The following RNH1 variants were observed in gnomAD, a reference collection of about 807,000 sequenced individuals.
RNH1 encodes ribonuclease inhibitor.
In RNH1, 38 loss-of-function variants were observed where a neutral mutation model predicts 46.1. The ratio of observed to expected loss-of-function variants is 0.82; its 90% CI spans 0.64 to 1.08. The LOEUF (loss-of-function observed/expected upper bound fraction) is 1.08, where lower values mean the gene tolerates loss of function less well. RNH1 is among the 50% of genes least tolerant of loss of function. The probability of loss-of-function intolerance (pLI) is 0.00; values close to 1 mark genes in which losing one functional copy is unlikely to be tolerated. For synonymous variants in RNH1, 319 were observed against 279.1 expected (o/e 1.14, Z -1.43); for missense variants, 577 against 590.7 (o/e 0.98, Z 0.24).
intron 9 of RNH1, among the ~76,000 whole-genome samples, chr11:497,650 C>CACTG (rs74949052): frequency 6.8e-6 from 1 of 148,046 alleles, no homozygotes; most frequent in Non-Finnish European, 1.5e-5. Context: ...CACTCGTGCT[C>CACTG]TCACCCATGT....
chr11:496,741 A>G (rs901301332), intron 9 of RNH1, among the ~76,000 whole-genome samples: 2 of 152,244 alleles, frequency 1.3e-5, no homozygotes, highest in African/African-American at 4.8e-5. Flanking sequence ...CAAGGACAGA[A>G]CAGGGGCACA....
At position 500,985 on chromosome 11, in the gene RNH1, G is replaced by A. The variant is rs571097691; in HGVS notation, c.102-331C>T. On this transcript the variant is annotated intron_variant, in intron 3 of 10. Coordinates refer to ENST00000354420, the MANE Select transcript of RNH1 (RefSeq NM_203387.3). ...CTTTACTAAAAATACAAAAGTAGCC[G>A]GGCGTGGTGGCGCATGCCCATAATC... is the stretch of plus-strand genomic sequence containing the variant. 6.8e-5 allele frequency: 27 copies of A among 395,714 alleles called. No individual in the cohort carries two copies. The East Asian group carries it at 1.1e-3, about 16-fold the overall frequency. The allele number at this position is 395,714 out of a possible 1,614,324, so 24.5% of individuals were successfully genotyped here.
In RNH1 at chr11:507,175, C is replaced by T. The variant is rs1047569798; in HGVS notation, c.-323G>A. ...CCAGAGCGAGACGGCCTACTTCGTTCTCGAGCCAGCAGAACGGGTTGAACG... is the reference window on the plus strand; with the variant it reads ...CCAGAGCGAGACGGCCTACTTCGTTTTCGAGCCAGCAGAACGGGTTGAACG... On this transcript the variant is annotated 5_prime_UTR_variant, in exon 1 of 11. Coordinates refer to ENST00000354420, the MANE Select transcript of RNH1 (RefSeq NM_203387.3). The T allele has an allele frequency of 1.3e-5, 2 of 152,240 alleles. No individual in the cohort carries two copies. Among genetic ancestry groups the T allele is most frequent in the Non-Finnish European group, 2.9e-5 (2 of 68,068 alleles). The allele number at this position is 152,240 out of a possible 1,614,324, so 9.4% of individuals were successfully genotyped here.
At chr11:500,044 G>T (rs1849599662) in intron 4 of RNH1, 45 bp from the exon 5 acceptor site, 1 of 1,491,732 alleles carries the variant, frequency 6.7e-7, no homozygotes, top group Non-Finnish European at 8.9e-7. Context: ...GAGCCAAGCT[G>T]CCACGCCCTT....
intron 9 of RNH1, among the ~76,000 whole-genome samples, chr11:496,354 T>C (rs1200945850): frequency 6.6e-6 from 1 of 151,906 alleles, no homozygotes; most frequent in Non-Finnish European, 1.5e-5. Flanking sequence ...CCCAACATGG[T>C]GAAACCCCAT....
intron 6 of RNH1, 25 bp from the exon 7 acceptor site, chr11:498,958 G>A (rs1205595456): frequency 1.2e-6 from 2 of 1,611,592 alleles, no homozygotes; most frequent in Non-Finnish European, 1.7e-6. Context: ...CACACGTGAG[G>A]CAGCACGGGA....
chr11:495,746 G>A (rs1848996922), intron 9 of RNH1, among the ~76,000 whole-genome samples: 1 of 152,112 alleles, frequency 6.6e-6, no homozygotes, highest in African/African-American at 2.4e-5. Context: ...GGTGTCCCCT[G>A]GCAGGGAACT....
intron 9 of RNH1, 120 bp downstream of exon 9, chr11:497,826 CGTGCTCACACTCGCCTCACCCATGT>C (rs1230036219): frequency 4.2e-6 from 4 of 946,474 alleles, no homozygotes; most frequent in African/African-American, 1.6e-5. Context: ...TGCTCACACA[CGTGCTCACACTCGCCTCACCCATGT>C]GTGCTCACAT....
intron 5 of RNH1, chr11:499,623 G>A (rs1849546896): frequency 4.1e-6 from 3 of 740,100 alleles, no homozygotes; most frequent in Non-Finnish European, 7.1e-6. Flanking sequence ...GGAGGGTGAT[G>A]ACAGATCCCC....
At chr11:497,385 TCGGACAC>T (rs1849228278) in intron 9 of RNH1, among the ~76,000 whole-genome samples, 1 of 74,386 alleles carries the variant, frequency 1.3e-5, no homozygotes, top group Admixed American at 1.7e-4. Flanking sequence ...GTGCTCACAC[TCGGACAC>T]TCGTGCTCTC....
At chr11:499,716 C>T (rs1020499995) in intron 5 of RNH1, 113 bp downstream of exon 5, 7 of 1,313,244 alleles carry the variant, frequency 5.3e-6, no homozygotes, top group Non-Finnish European at 7.6e-6. Context: ...CCACAAGGCC[C>T]CTGTGACCTG....
At chr11:496,772 T>C (rs532819697) in intron 9 of RNH1, among the ~76,000 whole-genome samples, 14 of 152,244 alleles carry the variant, frequency 9.2e-5, no homozygotes, top group Non-Finnish European at 1.8e-4. Context: ...AATTACCTCC[T>C]GCAAAACCTT....
Position 494,580 on chromosome 11 carries a change from A to T in RNH1, c.*111T>A. On this transcript the variant is annotated 3_prime_UTR_variant, in exon 11 of 11. Coordinates refer to ENST00000354420, the MANE Select transcript of RNH1 (RefSeq NM_203387.3). ...ATACTGGCAGAAATAAGCGGATCTGAGCGTTTCTCTTCAAACCTAGGATAT... is the reference window on the plus strand; with the variant it reads ...ATACTGGCAGAAATAAGCGGATCTGTGCGTTTCTCTTCAAACCTAGGATAT... 1 of 897,798 alleles carries T rather than the reference A, an allele frequency of 1.1e-6. No homozygotes were observed. Among genetic ancestry groups the T allele is most frequent in the Non-Finnish European group, 1.8e-6 (1 of 555,724 alleles). 55.6% of individuals were successfully genotyped at this position (897,798 alleles called of 1,614,324 possible).
At position 504,854 on chromosome 11, in the gene RNH1, A is replaced by G. The variant is rs959458964; in HGVS notation, c.-118T>C. ...ACACCCCTTTTTGCTACCAGACTGG[A>G]GAAGGTGGAACAGGTTGACGATGAT... is the stretch of plus-strand genomic sequence containing the variant. On this transcript the variant is annotated 5_prime_UTR_variant, in exon 2 of 11. Coordinates refer to ENST00000354420, the MANE Select transcript of RNH1 (RefSeq NM_203387.3). 1 of 152,186 alleles carries G rather than the reference A, an allele frequency of 6.6e-6. No homozygotes were observed. Among genetic ancestry groups the G allele is most frequent in the African/African-American group, 2.4e-5 (1 of 41,438 alleles). The allele number at this position is 152,186 out of a possible 1,614,324, so 9.4% of individuals were successfully genotyped here.
chr11:495,478 G>C (rs1327990280), intron 9 of RNH1, among the ~76,000 whole-genome samples: 1 of 152,166 alleles, frequency 6.6e-6, no homozygotes, highest in Admixed American at 6.5e-5. Context: ...CAGACTTTAG[G>C]CTCCAGAGAG....
At position 499,665 on chromosome 11, in the gene RNH1, C is replaced by T. The variant is rs185702780; in HGVS notation, c.443+164G>A. ...CCAGCATCATGGGGAGAGGAGAGCA[C>T]CACAAGGCCCCAGACCCAGCATCAT... On this transcript the variant is annotated intron_variant, in intron 5 of 10. Coordinates refer to ENST00000354420, the MANE Select transcript of RNH1 (RefSeq NM_203387.3). The T allele has an allele frequency of 1.8e-5, 15 of 833,716 alleles. No individual in the cohort carries two copies. The East Asian group carries it at 3.9e-4, about 22-fold the overall frequency. 51.6% of individuals were successfully genotyped at this position (833,716 alleles called of 1,614,324 possible).
At position 500,581 on chromosome 11, in the gene RNH1, C is replaced by T. The variant is rs1171491985; in HGVS notation, c.175G>A (p.Ala59Thr). ...SSALRVNPAL[A>T]ELNLRSNELG... ...TCGTTGCTGCGCAGGTTGAGCTCTG[C>T]CAGTGCAGGGTTGACTCGAAGTGCA... The change falls in exon 4 of 11, where the codon GCA becomes ACA. Residue 59 changes from alanine to threonine, a missense_variant. Ala to Thr is a moderately conservative substitution (Grantham distance 58). Coordinates refer to ENST00000354420, the MANE Select transcript of RNH1 (RefSeq NM_203387.3). 1 of 1,610,728 alleles carries T rather than the reference C, an allele frequency of 6.2e-7. No individual in the cohort carries two copies. The highest frequency in any genetic ancestry group is 8.5e-7 in the Non-Finnish European group (1 of 1,179,992).
At position 507,203 on chromosome 11, in the gene RNH1, T is replaced by C. The variant is rs967901581; in HGVS notation, c.-351A>G. 1 of 151,850 alleles carries C rather than the reference T, an allele frequency of 6.6e-6. No homozygotes were observed. Among genetic ancestry groups the C allele is most frequent in the Admixed American group, 6.6e-5 (1 of 15,264 alleles). The allele number at this position is 151,850 out of a possible 1,614,324, so 9.4% of individuals were successfully genotyped here. The stretch of plus-strand genomic sequence containing the variant: ...GAGCCAGCAGAACGGGTTGAACGTG[T>C]CGACAACCCCACCCGCCAGTCAGCG... On this transcript the variant is annotated 5_prime_UTR_variant, in exon 1 of 11. Transcript: ENST00000354420.
chr11:500,309 TC>T (rs972851304), intron 4 of RNH1, 174 bp downstream of exon 4: 26 of 796,518 alleles, frequency 3.3e-5, no homozygotes, highest in Middle Eastern at 7.5e-4. Context: ...AAGGGCCCTG[TC>T]CCCCCCGCTG....
Sources: gnomAD v4.1 joint callset for allele counts (sites outside exome capture counted in the v4.1 genomes callset) on GRCh38, gnomAD v4.1.1 for gene constraint, MANE v1.5 for transcripts, NCBI Gene and HGNC (gene_info 2026-07-23, HGNC 2026-07-21) for gene names.